Variants in FOXP2 observed in about 807,000 individuals in gnomAD.
FOXP2 encodes forkhead box protein P2.
Under a neutral mutation model 115.8 loss-of-function variants are expected in FOXP2, and 12 were observed. That is an observed-to-expected ratio of 0.10 (90% CI 0.07 to 0.17). The LOEUF (loss-of-function observed/expected upper bound fraction) is 0.17, where lower values mean the gene tolerates loss of function less well. Among genes scored for constraint, FOXP2 ranks in the 10% least tolerant of loss-of-function variants. FOXP2 has a pLI of 1.00. For missense variants in FOXP2, 629 were observed against 843.5 expected, an observed-to-expected ratio of 0.75 and a Z score of 3.15; for synonymous variants, 328 against 297.7, an observed-to-expected ratio of 1.10 and a Z score of -1.05.
intron 2 of FOXP2, chr7:114,498,857 C>G (rs1797439589): frequency 4.2e-6 from 3 of 717,642 alleles, no homozygotes; most frequent in Admixed American, 2.0e-5. Context: ...TTTCACTGTC[C>G]TTGTTGGGCA....
intron 2 of FOXP2, among the ~76,000 whole-genome samples, chr7:114,333,866 T>A (rs1054364962): frequency 2.0e-5 from 3 of 151,066 alleles, no homozygotes; most frequent in Non-Finnish European, 4.4e-5. Context: ...CCAGCTTGGG[T>A]GACCGAGTGA....
intron 3 of FOXP2, among the ~76,000 whole-genome samples, chr7:114,595,088 T>C (rs1802626098): frequency 6.6e-6 from 1 of 152,196 alleles, no homozygotes; most frequent in Admixed American, 6.6e-5. Context: ...GAGGAAACAT[T>C]CTTAATAAGG....
At chr7:114,659,198 T>C (rs1022219778) in intron 11 of FOXP2, among the ~76,000 whole-genome samples, 158 bp from the exon 12 acceptor site, 6 of 152,294 alleles carry the variant, frequency 3.9e-5, no homozygotes, top group African/African-American at 1.4e-4. Context: ...AGAAATGGCC[T>C]TTTCCATATA....
At chr7:114,254,124 C>G (rs1446057672) in intron 1 of FOXP2, among the ~76,000 whole-genome samples, 1 of 152,164 alleles carries the variant, frequency 6.6e-6, no homozygotes, top group African/African-American at 2.4e-5. Context: ...ATTGGCCCCC[C>G]ACTCTCTTCT....
chr7:114,476,776 G>T (rs554269713), intron 2 of FOXP2, among the ~76,000 whole-genome samples: 161 of 152,040 alleles, frequency 1.1e-3, no homozygotes, highest in Non-Finnish European at 1.7e-3. Flanking sequence ...CCATTTGTTT[G>T]TGTCATCTCC....
At chr7:114,608,404 A>C (rs902623350) in intron 3 of FOXP2, among the ~76,000 whole-genome samples, 2 of 152,218 alleles carry the variant, frequency 1.3e-5, no homozygotes, top group African/African-American at 4.8e-5. Flanking sequence ...TACCGTCTTC[A>C]TAGGCAGTTC....
intron 1 of FOXP2, among the ~76,000 whole-genome samples, chr7:114,420,536 A>G (rs1793572899): frequency 6.6e-6 from 1 of 151,860 alleles, no homozygotes; most frequent in African/African-American, 2.4e-5. Context: ...TGTCTTGTAA[A>G]CTGTAGCCAG....
intron 1 of FOXP2, among the ~76,000 whole-genome samples, chr7:114,173,596 A>G (rs1475954258): frequency 6.6e-6 from 1 of 151,538 alleles, no homozygotes; most frequent in Non-Finnish European, 1.5e-5. Context: ...ATCTGTTGCT[A>G]TTGCATTTAT....
At chr7:114,644,849 C>A in intron 8 of FOXP2, 60 bp downstream of exon 8, 1 of 1,246,564 alleles carries the variant, frequency 8.0e-7, no homozygotes, top group Non-Finnish European at 1.2e-6. Context: ...GCATTTTAGG[C>A]ACATTGTAAA....
At chr7:114,650,641 C>T (rs1021433616) in intron 8 of FOXP2, among the ~76,000 whole-genome samples, 1 of 152,018 alleles carries the variant, frequency 6.6e-6, no homozygotes, top group African/African-American at 2.4e-5. Context: ...TTCCATACCT[C>T]CTTCCCAGAG....
intron 2 of FOXP2, among the ~76,000 whole-genome samples, chr7:114,328,502 C>T (rs1797617030): frequency 6.6e-6 from 1 of 152,020 alleles, no homozygotes; most frequent in African/African-American, 2.4e-5. Flanking sequence ...TCCCAGAGTG[C>T]TGGGATTACA....
chr7:114,449,305 T>C (rs1398822496), intron 2 of FOXP2, among the ~76,000 whole-genome samples: 1 of 152,122 alleles, frequency 6.6e-6, no homozygotes, highest in African/African-American at 2.4e-5. Context: ...ATAAAAAAAC[T>C]AAAATGTATA....
At chr7:114,342,294 TATA>T (rs1791236147) in intron 2 of FOXP2, among the ~76,000 whole-genome samples, 1 of 151,364 alleles carries the variant, frequency 6.6e-6, no homozygotes, top group African/African-American at 2.4e-5. Context: ...CAAATTTGTC[TATA>T]ATAATATAGT....
At chr7:114,212,108 AT>A (rs1255495453) in intron 1 of FOXP2, among the ~76,000 whole-genome samples, 2 of 95,190 alleles carry the variant, frequency 2.1e-5, no homozygotes, top group African/African-American at 2.7e-5. Flanking sequence ...ATAAAATAAA[AT>A]AAAATAAAAT....
chr7:114,537,980 C>G (rs1156464468), intron 3 of FOXP2, among the ~76,000 whole-genome samples: 1 of 151,630 alleles, frequency 6.6e-6, no homozygotes, highest in Non-Finnish European at 1.5e-5. Flanking sequence ...CAGCCAAAGA[C>G]AGCTTCTCAC....
At chr7:114,421,707 A>G (rs1177847096) in intron 1 of FOXP2, among the ~76,000 whole-genome samples, 1 of 151,736 alleles carries the variant, frequency 6.6e-6, no homozygotes, top group South Asian at 2.1e-4. Context: ...GTTTTTAAAA[A>G]TTGAAAATAT....
chr7:114,454,119 T>C (rs1795187722), intron 2 of FOXP2, among the ~76,000 whole-genome samples: 1 of 150,126 alleles, frequency 6.7e-6, no homozygotes, highest in Non-Finnish European at 1.5e-5. Context: ...AACCTACTCA[T>C]CTGACAAAGG....
chr7:114,511,129 C>T (rs1798047812), intron 2 of FOXP2, among the ~76,000 whole-genome samples: 1 of 152,110 alleles, frequency 6.6e-6, no homozygotes, highest in South Asian at 2.1e-4. Context: ...ACTGCATGTT[C>T]TCACTCATAA....
At chr7:114,144,664 T>A (rs548720199) in intron 1 of FOXP2, among the ~76,000 whole-genome samples, 1 of 152,286 alleles carries the variant, frequency 6.6e-6, no homozygotes, top group South Asian at 2.1e-4. Context: ...ACTAAGACCC[T>A]TAAAATTATT....
Sources: allele counts gnomAD v4.1 joint callset (sites outside exome capture counted in the v4.1 genomes callset), GRCh38; gene constraint gnomAD v4.1.1; transcripts MANE v1.5; gene names NCBI Gene and HGNC (gene_info 2026-07-23, HGNC 2026-07-21).